The following FHIT variants were observed in gnomAD, a reference collection of about 807,000 sequenced individuals.
The protein encoded by FHIT is fragile histidine triad diadenosine triphosphatase.
In FHIT, 19 loss-of-function variants were observed where a neutral mutation model predicts 17.9. The ratio of observed to expected loss-of-function variants is 1.06; its 90% CI spans 0.74 to 1.56. The LOEUF (loss-of-function observed/expected upper bound fraction) is 1.56, where lower values mean the gene tolerates loss of function less well. Ranked by LOEUF, FHIT falls within the 40% of genes most tolerant of loss-of-function variation. The pLI, the probability that FHIT is intolerant of heterozygous loss-of-function variation, is 0.00. For synonymous variants in FHIT, 81 were observed against 69.7 expected (o/e 1.16, Z -0.81); for missense variants, 248 against 189.2 (o/e 1.31, Z -1.82).
At chr3:60,010,503 G>A (rs1326082822) in intron 7 of FHIT, among the ~76,000 whole-genome samples, 1 of 152,222 alleles carries the variant, frequency 6.6e-6, no homozygotes, top group Admixed American at 6.5e-5. Flanking sequence ...GGCATTGTTT[G>A]TGTGGGCAGC....
intron 3 of FHIT, among the ~76,000 whole-genome samples, chr3:61,031,549 T>G (rs926103245): frequency 3.3e-5 from 5 of 152,226 alleles, no homozygotes; most frequent in Non-Finnish European, 7.3e-5. Flanking sequence ...TGAATTCATC[T>G]ACTCTAACAT....
chr3:61,206,147 T>A (rs999077136), intron 1 of FHIT, among the ~76,000 whole-genome samples: 14 of 133,432 alleles, frequency 1.0e-4, no homozygotes, highest in Non-Finnish European at 1.3e-4. Context: ...GCATTATTTC[T>A]GAGGGCTCTG....
intron 1 of FHIT, among the ~76,000 whole-genome samples, chr3:61,209,662 T>A (rs1237269389): frequency 6.6e-6 from 1 of 152,228 alleles, no homozygotes; most frequent in East Asian, 1.9e-4. Context: ...TTCAGCTCCA[T>A]CAAGTCCTTT....
chr3:60,611,527 T>C (rs1287165214), intron 4 of FHIT, among the ~76,000 whole-genome samples: 2 of 152,150 alleles, frequency 1.3e-5, no homozygotes, highest in Admixed American at 1.3e-4. Flanking sequence ...GGCCCCTTAG[T>C]CCAAGCCTTT....
intron 5 of FHIT, among the ~76,000 whole-genome samples, chr3:60,452,500 G>A (rs1393452674): frequency 2.0e-5 from 3 of 152,160 alleles, no homozygotes; most frequent in African/African-American, 7.2e-5. Flanking sequence ...GAATTTACAT[G>A]AGACCAATAG....
intron 3 of FHIT, among the ~76,000 whole-genome samples, chr3:60,975,033 TG>T (rs1710177210): frequency 6.6e-6 from 1 of 152,194 alleles, no homozygotes; most frequent in Admixed American, 6.5e-5. Context: ...TGGTTACTGA[TG>T]GTAGCTGTAA....
chr3:60,106,441 A>T (rs1444895287), intron 5 of FHIT, among the ~76,000 whole-genome samples: 2 of 152,210 alleles, frequency 1.3e-5, no homozygotes, highest in African/African-American at 4.8e-5. Context: ...TTTCAACCAC[A>T]GTTCATGATA....
chr3:60,481,049 C>T (rs2033586625), intron 5 of FHIT, among the ~76,000 whole-genome samples: 2 of 152,174 alleles, frequency 1.3e-5, no homozygotes, highest in Admixed American at 1.3e-4. Context: ...TAGAATTCCG[C>T]CTGGACATCC....
At chr3:60,664,179 T>C (rs1160559077) in intron 4 of FHIT, among the ~76,000 whole-genome samples, 1 of 152,200 alleles carries the variant, frequency 6.6e-6, no homozygotes, top group Non-Finnish European at 1.5e-5. Context: ...AGACGCCTTT[T>C]TATATGATGA....
rs764937387 is a variant in FHIT, at chr3:60,383,295, T to G, written c.103+153565A>C. ...AATGGCCTTAATAATTTGCCACTTA[T>G]GATTACGATAATAACAATATTTTTT... On this transcript the variant is annotated intron_variant, in intron 5 of 9. Coordinates refer to ENST00000492590, the MANE Select transcript of FHIT (RefSeq NM_002012.4). 2.6e-5 allele frequency among the ~76,000 whole-genome samples: 4 copies of G among 152,202 alleles called. No homozygotes were observed. In the East Asian group the frequency reaches 7.7e-4, roughly 29 times the overall value.
chr3:60,212,993 C>A (rs1390106356), intron 5 of FHIT, among the ~76,000 whole-genome samples: 2 of 152,082 alleles, frequency 1.3e-5, no homozygotes, highest in Non-Finnish European at 2.9e-5. Flanking sequence ...TGCTTTCATG[C>A]CACCTGAAAG....
At chr3:60,612,321 T>A (rs939276244) in intron 4 of FHIT, among the ~76,000 whole-genome samples, 4 of 152,168 alleles carry the variant, frequency 2.6e-5, no homozygotes, top group African/African-American at 9.7e-5. Flanking sequence ...TCTATGGATA[T>A]ACATATATGA....
At chr3:60,058,639 T>C (rs1251065724) in intron 5 of FHIT, among the ~76,000 whole-genome samples, 1 of 152,150 alleles carries the variant, frequency 6.6e-6, no homozygotes, top group Non-Finnish European at 1.5e-5. Flanking sequence ...ATTCCAAAGC[T>C]CTTTCTTAGA....
At chr3:60,284,866 C>T (rs1707646021) in intron 5 of FHIT, among the ~76,000 whole-genome samples, 1 of 152,100 alleles carries the variant, frequency 6.6e-6, no homozygotes, top group Non-Finnish European at 1.5e-5. Flanking sequence ...TCCCCAAGCC[C>T]ACTCAAGGAT....
At chr3:60,505,354 T>C (rs988877924) in intron 5 of FHIT, among the ~76,000 whole-genome samples, 7 of 152,194 alleles carry the variant, frequency 4.6e-5, no homozygotes, top group Non-Finnish European at 1.0e-4. Context: ...ACCCCTAGGC[T>C]TCTTTCAGCA....
At chr3:60,834,360 T>A (rs192586785) in intron 3 of FHIT, among the ~76,000 whole-genome samples, 9 of 152,238 alleles carry the variant, frequency 5.9e-5, no homozygotes, top group African/African-American at 1.9e-4. Flanking sequence ...TGGTTAATAA[T>A]GTTGAACATC....
intron 5 of FHIT, among the ~76,000 whole-genome samples, chr3:60,016,669 G>A (rs1025961050): frequency 7.2e-5 from 11 of 152,166 alleles, no homozygotes; most frequent in Admixed American, 6.5e-5. Flanking sequence ...AGAAAGCTGT[G>A]GGAGCACAGG....
At chr3:61,168,607 G>C (rs559633628) in intron 2 of FHIT, among the ~76,000 whole-genome samples, 1 of 152,288 alleles carries the variant, frequency 6.6e-6, no homozygotes, top group African/African-American at 2.4e-5. Context: ...TCAGAATGGA[G>C]GCCACACAAT....
rs532022730 is a variant in FHIT at position 59,921,058 on chromosome 3, A to T, written c.348+1288T>A. ...GCAACTGGTCCACAAATCAGCACTT[A>T]GGGACTGGTGACTAGACTATTTCCA... On this transcript the variant is annotated intron_variant, in intron 8 of 9. Coordinates refer to ENST00000492590, the MANE Select transcript of FHIT (RefSeq NM_002012.4). Among the ~76,000 whole-genome samples the T allele has an allele frequency of 6.2e-4, 95 of 152,312 alleles. 1 individual carries two copies. The highest frequency in any genetic ancestry group is 3.0e-3 in the Admixed American group (46 of 15,304).
Sources: gnomAD v4.1 joint callset for allele counts (sites outside exome capture counted in the v4.1 genomes callset) on GRCh38, gnomAD v4.1.1 for gene constraint, MANE v1.5 for transcripts, NCBI Gene and HGNC (gene_info 2026-07-23, HGNC 2026-07-21) for gene names.